Variants in C10orf95 observed in about 807,000 individuals in gnomAD.
The protein encoded by C10orf95 is chromosome 10 open reading frame 95.
For missense variants in C10orf95, 412 were observed against 327.4 expected (o/e 1.26, Z -1.99); for synonymous variants, 188 against 160.4 (o/e 1.17, Z -1.30).
Position 102,450,704 on chromosome 10 carries a change from C to T in C10orf95, c.390G>A (p.Ala130=). Residue 130 remains alanine, a synonymous_variant, in exon 2 of 2, where the codon GCG becomes GCA. Coordinates refer to ENST00000625129, the MANE Select transcript of C10orf95 (RefSeq NM_001363580.1). The part of the protein sequence containing the change: ...TELRWGRVER[A]RGPPLQLPDF... The stretch of plus-strand genomic sequence containing the variant: ...CCGGTAGCTGCAGAGGGGGGCCCCG[C>T]GCGCGCTCCACGCGGCCCCAGCGCA... 2 of 1,258,738 alleles carry T rather than the reference C, an allele frequency of 1.6e-6. No homozygotes were observed. Among genetic ancestry groups the T allele is most frequent in the South Asian group, 2.6e-5 (1 of 38,622 alleles). 78.0% of individuals were successfully genotyped at this position (1,258,738 alleles called of 1,614,324 possible). A position where few individuals can be genotyped will look rare whatever the true frequency, so the allele number is the denominator to read the frequency against.
At position 102,450,365 on chromosome 10, in the gene C10orf95, G is replaced by A. The variant is rs1461115372; in HGVS notation, c.*87C>T. Reference sequence around the variant, plus strand: ...GCGTCCGCCTCCCGCGCACAGGTGAGGGCTCACTTCTGCCTGTCGGCGGCG... The same window carrying A: ...GCGTCCGCCTCCCGCGCACAGGTGAAGGCTCACTTCTGCCTGTCGGCGGCG... On this transcript the variant is annotated 3_prime_UTR_variant, in exon 2 of 2. Transcript: ENST00000625129. 5.0e-6 allele frequency: 7 copies of A among 1,392,492 alleles called. No homozygotes were observed. The highest frequency in any genetic ancestry group is 6.9e-6 in the Non-Finnish European group (7 of 1,020,618). 86.3% of individuals were successfully genotyped at this position (1,392,492 alleles called of 1,614,324 possible). A position where few individuals can be genotyped will look rare whatever the true frequency, so the allele number is the denominator to read the frequency against.
At position 102,450,779 on chromosome 10, in the gene C10orf95, C is replaced by T; in HGVS notation, c.315G>A (p.Val105=). Residue 105 remains valine (V), a synonymous_variant, in exon 2 of 2, where the codon GTG becomes GTA. Coordinates refer to ENST00000625129, the MANE Select transcript of C10orf95 (RefSeq NM_001363580.1). ...SGLSLQAPAA[V]AESWAPWPEG... ...CCGGCCACGGCGCCCAGCTCTCGGCCACCGCCGCGGGCGCCTGCAGCGACA... is the reference window on the plus strand; with the variant it reads ...CCGGCCACGGCGCCCAGCTCTCGGCTACCGCCGCGGGCGCCTGCAGCGACA... The T allele has an allele frequency of 7.8e-7, 1 of 1,284,530 alleles. No individual in the cohort carries two copies. Among genetic ancestry groups the T allele is most frequent in the African/African-American group, 1.6e-5 (1 of 64,030 alleles). 79.6% of individuals were successfully genotyped at this position (1,284,530 alleles called of 1,614,324 possible). A position where few individuals can be genotyped will look rare whatever the true frequency, so the allele number is the denominator to read the frequency against.
At chr10:102,451,357 G>C (rs1241367864) in intron 1 of C10orf95, 29 bp downstream of exon 1, 10 of 1,564,398 alleles carry the variant, frequency 6.4e-6, no homozygotes, top group Non-Finnish European at 8.7e-6. Flanking sequence ...CCTCCGCCGG[G>C]ATGCTCTTCC....
chr10:102,450,807 C>T lies in C10orf95; in HGVS notation c.287G>A (p.Gly96Glu). The change falls in exon 2 of 2, where the codon GGA becomes GAA. Residue 96 changes from glycine (G) to glutamate (E), a missense_variant. Transcript: ENST00000625129. ...RRPCAAAGISGLSLQAPAAVA... is the reference protein window; with the variant it reads ...RRPCAAAGISELSLQAPAAVA... ...CGCCGCGGGCGCCTGCAGCGACAGT[C>T]CCGAGATGCCGGCGGCGGCGCAGGG... The T allele has an allele frequency of 8.0e-7, 1 of 1,255,250 alleles. No homozygotes were observed. Among genetic ancestry groups the T allele is most frequent in the Non-Finnish European group, 9.9e-7 (1 of 1,005,408 alleles). The allele number at this position is 1,255,250 out of a possible 1,614,324, so 77.8% of individuals were successfully genotyped here.
Position 102,450,221 on chromosome 10 carries a change from G to A in C10orf95, c.*231C>T, listed in dbSNP as rs1209874600. 1 of 667,828 alleles carries A rather than the reference G, an allele frequency of 1.5e-6. No homozygotes were observed. Among genetic ancestry groups the A allele is most frequent in the East Asian group, 2.9e-5 (1 of 34,580 alleles). The allele number at this position is 667,828 out of a possible 1,614,324, so 41.4% of individuals were successfully genotyped here. ...GAAAAGAGGTACAGAACACCCAGAG[G>A]TGCCCTCGATTCCGTCTTGCACTTG... On this transcript the variant is annotated 3_prime_UTR_variant, in exon 2 of 2. Coordinates refer to ENST00000625129, the MANE Select transcript of C10orf95 (RefSeq NM_001363580.1).
At position 102,450,491 on chromosome 10, in the gene C10orf95, C is replaced by A. The variant is rs1375811487; in HGVS notation, c.603G>T (p.Ala201=). The stretch of plus-strand genomic sequence containing the variant: ...TGCTCTTCCTGGGGCGGCCGCGCTC[C>A]GCGGCTTCCCGGGCTGGGCTGCTGT... ...SGDSSPAREA[A]ERGRPRKSKG... is the part of the protein sequence containing the mutation. Residue 201 remains alanine (A), a synonymous_variant, in exon 2 of 2, where the codon GCG becomes GCT. Transcript: ENST00000625129. 2 of 1,446,556 alleles carry A rather than the reference C, an allele frequency of 1.4e-6. No homozygotes were observed. The highest frequency in any genetic ancestry group is 5.3e-5 in the Admixed American group (2 of 37,982). The allele number at this position is 1,446,556 out of a possible 1,614,324, so 89.6% of individuals were successfully genotyped here.
In C10orf95 at chr10:102,450,599, C is replaced by A; in HGVS notation, c.495G>T (p.Gln165His). The A allele has an allele frequency of 7.9e-7, 1 of 1,263,636 alleles. No individual in the cohort carries two copies. The highest frequency in any genetic ancestry group is 3.0e-4 in the Middle Eastern group (1 of 3,284). The allele number at this position is 1,263,636 out of a possible 1,614,324, so 78.3% of individuals were successfully genotyped here. A position where few individuals can be genotyped will look rare whatever the true frequency, so the allele number is the denominator to read the frequency against. The part of the protein sequence containing the change: ...ADVRVTQRRG[Q>H]FLLQATPRVL... Reference sequence around the variant, plus strand: ...CGCGCGGCGTCGCCTGCAGCAGGAACTGGCCGCGGCGCTGGGTGACGCGCA... The same window carrying A: ...CGCGCGGCGTCGCCTGCAGCAGGAAATGGCCGCGGCGCTGGGTGACGCGCA... The change falls in exon 2 of 2, where the codon CAG becomes CAT. Residue 165 changes from glutamine to histidine, a missense_variant. Transcript: ENST00000625129.
intron 1 of C10orf95, 108 bp from the exon 2 acceptor site, chr10:102,451,255 C>T: frequency 3.5e-6 from 5 of 1,422,296 alleles, no homozygotes; most frequent in Non-Finnish European, 4.6e-6. Flanking sequence ...GAATTCATCC[C>T]AAATCGAACA....
rs776664289 is a variant in C10orf95 at position 102,451,358 on chromosome 10, A to G, written c.-55+28T>C. ...GAGCCTTTTCAAGCCCTCCGCCGGG[A>G]TGCTCTTCCCAGTGACTCCCCACTC... On this transcript the variant is annotated intron_variant, in intron 1 of 1. Transcript: ENST00000625129. 8.3e-6 allele frequency: 13 copies of G among 1,563,614 alleles called. No homozygotes were observed. The South Asian group carries it at 1.1e-4, about 14-fold the overall frequency.
Position 102,451,143 on chromosome 10 carries a change from C to A in C10orf95, c.-50G>T. 1 of 1,441,360 alleles carries A rather than the reference C, an allele frequency of 6.9e-7. No homozygotes were observed. The highest frequency in any genetic ancestry group is 1.6e-5 in the South Asian group (1 of 62,824). The allele number at this position is 1,441,360 out of a possible 1,614,324, so 89.3% of individuals were successfully genotyped here. On this transcript the variant is annotated 5_prime_UTR_variant, in exon 2 of 2. An upstream open reading frame in the 5' UTR gains an earlier in-frame stop. Transcript: ENST00000625129. The stretch of plus-strand genomic sequence containing the variant: ...TTCTTACTGGGGGCTCCTGCGGATC[C>A]AGACCTGCGGCGGAGGAAGGGATAT...
chr10:102,450,950 A>G lies in C10orf95; in HGVS notation c.144T>C (p.His48=), dbSNP rs750405943. The G allele has an allele frequency of 2.4e-6, 3 of 1,274,180 alleles. No individual in the cohort carries two copies. Among genetic ancestry groups the G allele is most frequent in the Admixed American group, 7.1e-5 (2 of 28,368 alleles). 78.9% of individuals were successfully genotyped at this position (1,274,180 alleles called of 1,614,324 possible). The change falls in exon 2 of 2, where the codon CAT becomes CAC. Residue 48 remains histidine (H), a synonymous_variant. Transcript: ENST00000625129. The stretch of plus-strand genomic sequence containing the variant: ...CCCGTGGGGCCGCCCACTCGCCCGC[A>G]TGCAGGCTCCCGGGCCGGCTGCGGA... The part of the protein sequence containing the change: ...HSFRSRPGSL[H]AGEWAAPREY...
chr10:102,451,117 G>T lies in C10orf95; in HGVS notation c.-24C>A. On this transcript the variant is annotated 5_prime_UTR_variant, in exon 2 of 2. Coordinates refer to ENST00000625129, the MANE Select transcript of C10orf95 (RefSeq NM_001363580.1). ...ATGGTCGGCCCCCCAGGCGGCTGCT[G>T]TTCTTACTGGGGGCTCCTGCGGATC... 6.9e-7 allele frequency: 1 copy of T among 1,447,604 alleles called. No individual in the cohort carries two copies. The allele number at this position is 1,447,604 out of a possible 1,614,324, so 89.7% of individuals were successfully genotyped here.
Position 102,450,785 on chromosome 10 carries a change from C to T in C10orf95, c.309G>A (p.Ala103=), listed in dbSNP as rs1352372585. 87 of 1,276,538 alleles carry T rather than the reference C, an allele frequency of 6.8e-5. No homozygotes were observed. The highest frequency in any genetic ancestry group is 8.6e-5 in the Non-Finnish European group (87 of 1,013,470). 79.1% of individuals were successfully genotyped at this position (1,276,538 alleles called of 1,614,324 possible). A position where few individuals can be genotyped will look rare whatever the true frequency, so the allele number is the denominator to read the frequency against. Residue 103 remains alanine (A), a synonymous_variant, in exon 2 of 2, where the codon GCG becomes GCA. Coordinates refer to ENST00000625129, the MANE Select transcript of C10orf95 (RefSeq NM_001363580.1). ...GISGLSLQAP[A]AVAESWAPWP... The stretch of plus-strand genomic sequence containing the variant: ...ACGGCGCCCAGCTCTCGGCCACCGC[C>T]GCGGGCGCCTGCAGCGACAGTCCCG...
chr10:102,451,542 C>A lies in C10orf95; in HGVS notation c.-211G>T. 1 of 1,275,808 alleles carries A rather than the reference C, an allele frequency of 7.8e-7. No individual in the cohort carries two copies. Among genetic ancestry groups the A allele is most frequent in the Non-Finnish European group, 1.0e-6 (1 of 967,138 alleles). The allele number at this position is 1,275,808 out of a possible 1,614,324, so 79.0% of individuals were successfully genotyped here. On this transcript the variant is annotated 5_prime_UTR_variant, in exon 1 of 2. Coordinates refer to ENST00000625129, the MANE Select transcript of C10orf95 (RefSeq NM_001363580.1). Reference sequence around the variant, plus strand: ...TGAGCTGGCCAGGAGCTACCAGCGTCTGTCTACACCTGGGTGAGCCGTACT... The same window carrying A: ...TGAGCTGGCCAGGAGCTACCAGCGTATGTCTACACCTGGGTGAGCCGTACT...
chr10:102,451,221 G>C, intron 1 of C10orf95, 74 bp from the exon 2 acceptor site: 2 of 1,439,802 alleles, frequency 1.4e-6, no homozygotes. Context: ...CGGTTCCCCG[G>C]GACGCCGGTT....
At position 102,451,542 on chromosome 10, in the gene C10orf95, C is replaced by G; in HGVS notation, c.-211G>C. ...TGAGCTGGCCAGGAGCTACCAGCGT[C>G]TGTCTACACCTGGGTGAGCCGTACT... On this transcript the variant is annotated 5_prime_UTR_variant, in exon 1 of 2. Coordinates refer to ENST00000625129, the MANE Select transcript of C10orf95 (RefSeq NM_001363580.1). The G allele has an allele frequency of 7.8e-7, 1 of 1,275,808 alleles. No homozygotes were observed. Among genetic ancestry groups the G allele is most frequent in the Non-Finnish European group, 1.0e-6 (1 of 967,138 alleles). The allele number at this position is 1,275,808 out of a possible 1,614,324, so 79.0% of individuals were successfully genotyped here.
At position 102,450,638 on chromosome 10, in the gene C10orf95, G is replaced by T; in HGVS notation, c.456C>A (p.Tyr152Ter). 8.1e-7 allele frequency: 1 copy of T among 1,235,358 alleles called. No individual in the cohort carries two copies. The allele number at this position is 1,235,358 out of a possible 1,614,324, so 76.5% of individuals were successfully genotyped here. ...GGGTGACGCGCACGTCGGCGCGGGG[G>T]TAGGTGCCGTACGCGCGCCGCAGCT... The part of the protein sequence containing the change: ...RRELRRAYGT[Y>*]PRADVRVTQR... Residue 152 changes from tyrosine to a stop codon, truncating the protein, a stop_gained, in exon 2 of 2, where the codon TAC (tyrosine) becomes TAA (stop). Transcript: ENST00000625129. LOFTEE classifies it low-confidence loss of function (END_TRUNC).
In C10orf95 at chr10:102,450,883, CG is replaced by C. The variant is rs1677524038; in HGVS notation, c.210del (p.Ala71ArgfsTer142). On this transcript the variant is annotated frameshift_variant, in exon 2 of 2. Coordinates refer to ENST00000625129, the MANE Select transcript of C10orf95 (RefSeq NM_001363580.1). LOFTEE classifies it low-confidence loss of function (END_TRUNC). ...RFYGPAAPPEAAPPWWACPPA... is the reference protein window; with the variant it reads ...RFYGPAAPPEXAPPWWACPPA... ...GGAGGGCAGGCCCACCAGGGCGGCG[CG>C]GCCTCGGGTGGCGCGGCGGGGCCGT... 2 of 1,233,634 alleles carry C rather than the reference CG, an allele frequency of 1.6e-6. No homozygotes were observed. The highest frequency in any genetic ancestry group is 3.1e-5 in the African/African-American group (2 of 64,350). The allele number at this position is 1,233,634 out of a possible 1,614,324, so 76.4% of individuals were successfully genotyped here.
rs767544515 is a variant in C10orf95, at chr10:102,450,517, C to A, written c.577G>T (p.Asp193Tyr). The change falls in exon 2 of 2, where the codon GAC becomes TAC. Residue 193 changes from aspartate (D) to tyrosine (Y), a missense_variant. Transcript: ENST00000625129. The part of the protein sequence containing the change: ...WRVRRRPDSG[D>Y]SSPAREAAER... ...GCGGCTTCCCGGGCTGGGCTGCTGT[C>A]GCCGCTGTCGGGCCGGCGCCGCACG... is the stretch of plus-strand genomic sequence containing the variant. 5.7e-6 allele frequency: 8 copies of A among 1,401,808 alleles called. No homozygotes were observed. The South Asian group carries it at 9.3e-5, about 16-fold the overall frequency. 86.8% of individuals were successfully genotyped at this position (1,401,808 alleles called of 1,614,324 possible).
Sources: gnomAD v4.1 joint callset for allele counts on GRCh38, gnomAD v4.1.1 for gene constraint, MANE v1.5 for transcripts, NCBI Gene and HGNC (gene_info 2026-07-23, HGNC 2026-07-21) for gene names.